LRRC7: variants seen among roughly 807,000 people sequenced by gnomAD.
The protein encoded by LRRC7 is leucine-rich repeat-containing protein 7.
Under a neutral mutation model 175.7 loss-of-function variants are expected in LRRC7, and 23 were observed. That is an observed-to-expected ratio of 0.13 (90% CI 0.09 to 0.19). The LOEUF is 0.19. Among genes scored for constraint, LRRC7 ranks in the 10% least tolerant of loss-of-function variants. The probability of loss-of-function intolerance (pLI) is 1.00; values close to 1 mark genes in which losing one functional copy is unlikely to be tolerated. For missense variants in LRRC7, 1,354 were observed against 1,904.7 expected (o/e 0.71, Z 5.38); for synonymous variants, 685 against 680.9 (o/e 1.01, Z -0.09).
chr1:70,031,000 C>T (rs915903495), intron 18 of LRRC7: 3 of 152,242 alleles, frequency 2.0e-5, no homozygotes, highest in Non-Finnish European at 2.9e-5. Flanking sequence ...AGCACTTCCT[C>T]ATCCTTCAAG....
At chr1:69,885,363 G>A (rs1438113606) in intron 7 of LRRC7, among the ~76,000 whole-genome samples, 1 of 146,668 alleles carries the variant, frequency 6.8e-6, no homozygotes, top group African/African-American at 2.6e-5. Context: ...ATGTTTCGAG[G>A]AATTTATCCA....
chr1:69,584,727 A>G (rs928739233), intron 1 of LRRC7, among the ~76,000 whole-genome samples: 2 of 152,160 alleles, frequency 1.3e-5, no homozygotes, highest in African/African-American at 4.8e-5. Context: ...TGAGATAAAG[A>G]CAAAAATTAA....
At chr1:70,082,542 A>G (rs1190523519) in intron 24 of LRRC7, among the ~76,000 whole-genome samples, 2 of 152,168 alleles carry the variant, frequency 1.3e-5, no homozygotes, top group African/African-American at 2.4e-5. Flanking sequence ...AATGCAGTAA[A>G]CATTGCAGTG....
At chr1:69,998,249 C>A (rs1005240044) in intron 11 of LRRC7, among the ~76,000 whole-genome samples, 1 of 152,066 alleles carries the variant, frequency 6.6e-6, no homozygotes, top group African/African-American at 2.4e-5. Flanking sequence ...ATGAAGACAG[C>A]GAAAATGTCT....
chr1:69,980,391 G>C lies in LRRC7; in HGVS notation c.724G>C (p.Asp242His), dbSNP rs1316690956. The C allele has an allele frequency of 6.2e-7, 1 of 1,611,784 alleles. No individual in the cohort carries two copies. The highest frequency in any genetic ancestry group is 8.5e-7 in the Non-Finnish European group (1 of 1,178,944). Residue 242 changes from aspartate to histidine, a missense_variant, in exon 9 of 27, where the codon GAT (aspartate) becomes CAT (histidine). Coordinates refer to ENST00000651989, the MANE Select transcript of LRRC7 (RefSeq NM_001370785.2). ...NEFGELPEVL[D>H]QIQNLRELWM... Reference sequence around the variant, plus strand: ...ACTTCTCTCCCAGCCTGAAGTTCTGGATCAAATACAAAATTTGAGGGAGTT... The same window carrying C: ...ACTTCTCTCCCAGCCTGAAGTTCTGCATCAAATACAAAATTTGAGGGAGTT...
At chr1:69,568,681 G>T (rs761426045) in intron 1 of LRRC7, 40 bp downstream of exon 1, 1 of 900,068 alleles carries the variant, frequency 1.1e-6, no homozygotes, top group Admixed American at 3.1e-5. Flanking sequence ...AGGGTGCTGC[G>T]GGGGCCCGGC....
chr1:69,752,392 C>T (rs1207751276), intron 2 of LRRC7, among the ~76,000 whole-genome samples: 3 of 152,158 alleles, frequency 2.0e-5, no homozygotes, highest in Non-Finnish European at 4.4e-5. Context: ...TTTCCTTTGT[C>T]TCTTTCTCTT....
chr1:69,830,723 G>A (rs182111065), intron 5 of LRRC7, among the ~76,000 whole-genome samples: 1 of 152,030 alleles, frequency 6.6e-6, no homozygotes, highest in East Asian at 1.9e-4. Context: ...GTTGAAGTGA[G>A]TTGAAATAAA....
chr1:69,569,218 TG>T (rs1375094299), intron 1 of LRRC7, among the ~76,000 whole-genome samples: 2 of 147,808 alleles, frequency 1.4e-5, no homozygotes, highest in African/African-American at 5.0e-5. Flanking sequence ...GGGTGGGGTT[TG>T]GGGGGATGGA....
chr1:69,671,975 C>CCAAGCATAAGAACCAAAAACCAAAA (rs1659146308), intron 1 of LRRC7, among the ~76,000 whole-genome samples: 1 of 152,106 alleles, frequency 6.6e-6, no homozygotes, highest in South Asian at 2.1e-4. Context: ...TGTGAGTGTT[C>CCAAGCATAAGAACCAAAAACCAAAA]ACCTGGTTTT....
Position 70,038,597 on chromosome 1 carries a change from C to A in LRRC7, c.2773C>A (p.Pro925Thr). ...HIKESTEIPS[P>T]FSPGVPWEYH... ...AAAGGAATCTACTGAAATACCTAGT[C>A]CTTTTTCTCCAGGCGTACCATGGGA... Residue 925 changes from proline to threonine, a missense_variant, in exon 21 of 27, where the codon CCT (proline) becomes ACT (threonine). By Grantham distance (38) the Pro-to-Thr change is conservative (BLOSUM62 -1). Transcript: ENST00000651989. The A allele has an allele frequency of 1.2e-6, 2 of 1,614,122 alleles. No individual in the cohort carries two copies. The highest frequency in any genetic ancestry group is 1.7e-6 in the Non-Finnish European group (2 of 1,179,996).
rs145172314 is a variant in LRRC7, at chr1:69,882,144, T to C, written c.647+43861T>C. 3.3e-3 allele frequency among the ~76,000 whole-genome samples: 497 copies of C among 152,028 alleles called. 1 individual carries two copies. The highest frequency in any genetic ancestry group is 0.011 in the African/African-American group (448 of 41,476). On this transcript the variant is annotated intron_variant, in intron 7 of 26. Transcript: ENST00000651989. ...ATGAGAAGATGTTCAACATCACTAA[T>C]CATCAGGAAAATGCAAATCAAAGCC...
chr1:69,924,843 AG>A (rs1164901913), intron 7 of LRRC7, among the ~76,000 whole-genome samples: 1 of 152,168 alleles, frequency 6.6e-6, no homozygotes, highest in African/African-American at 2.4e-5. Flanking sequence ...TATGTTGAAT[AG>A]GAGTGGTGAG....
chr1:69,591,406 A>G (rs907542371), intron 1 of LRRC7, among the ~76,000 whole-genome samples: 1 of 152,074 alleles, frequency 6.6e-6, no homozygotes, highest in Non-Finnish European at 1.5e-5. Flanking sequence ...ATTTGACAGA[A>G]CAGTGGTTTC....
chr1:69,611,891 G>A (rs1648806845), intron 1 of LRRC7, among the ~76,000 whole-genome samples: 1 of 151,970 alleles, frequency 6.6e-6, no homozygotes, highest in African/African-American at 2.4e-5. Flanking sequence ...TGTGCACATC[G>A]AATGACTCAA....
intron 1 of LRRC7, among the ~76,000 whole-genome samples, chr1:69,643,271 G>C (rs1177656504): frequency 6.6e-6 from 1 of 151,990 alleles, no homozygotes; most frequent in Non-Finnish European, 1.5e-5. Context: ...ATCTTTTCAG[G>C]AAATACCCAC....
At chr1:70,029,419 A>T (rs1658467483) in intron 18 of LRRC7, among the ~76,000 whole-genome samples, 1 of 152,122 alleles carries the variant, frequency 6.6e-6, no homozygotes, top group Non-Finnish European at 1.5e-5. Flanking sequence ...TTGAGCAAAA[A>T]TAAGCATAGT....
chr1:69,850,543 T>A (rs2101456801), intron 7 of LRRC7, among the ~76,000 whole-genome samples: 1 of 152,114 alleles, frequency 6.6e-6, no homozygotes, highest in East Asian at 1.9e-4. Context: ...ATAGTGAAGA[T>A]GAGTAATGTT....
At chr1:69,585,836 A>G (rs1010749842) in intron 1 of LRRC7, among the ~76,000 whole-genome samples, 9 of 152,218 alleles carry the variant, frequency 5.9e-5, no homozygotes, top group African/African-American at 1.9e-4. Context: ...TACATAAACT[A>G]TTACCAAGAA....
Sources: gnomAD v4.1 joint callset for allele counts (sites outside exome capture counted in the v4.1 genomes callset) on GRCh38, gnomAD v4.1.1 for gene constraint, MANE v1.5 for transcripts, NCBI Gene and HGNC (gene_info 2026-07-23, HGNC 2026-07-21) for gene names.